SGCZ: variants seen among roughly 807,000 people sequenced by gnomAD.
SGCZ encodes zeta-sarcoglycan.
A neutral mutation model predicts 41.3 loss-of-function variants in SGCZ; 40 were observed. That is an observed-to-expected ratio of 0.97 (90% CI 0.75 to 1.26). SGCZ has a LOEUF of 1.26. Among genes scored for constraint, SGCZ ranks in the 50% most tolerant of loss-of-function variants. The pLI, the probability that SGCZ is intolerant of heterozygous loss-of-function variation, is 0.00. For missense variants in SGCZ, 552 were observed against 369.8 expected, an observed-to-expected ratio of 1.49 and a Z score of -4.04; for synonymous variants, 206 against 137.5, an observed-to-expected ratio of 1.50 and a Z score of -3.49.
At chr8:15,033,715 A>G (rs7009631) in intron 1 of SGCZ, among the ~76,000 whole-genome samples, 151,493 of 152,214 alleles carry the variant, frequency 1, 75,393 homozygotes, top group Middle Eastern at 1. Context: ...TGCAGACTCC[A>G]ACTTAAGGCC....
At chr8:14,471,873 A>G (rs1054506272) in intron 2 of SGCZ, among the ~76,000 whole-genome samples, 1 of 152,082 alleles carries the variant, frequency 6.6e-6, no homozygotes, top group African/African-American at 2.4e-5. Context: ...AAGGGTTCCA[A>G]TGAATATCGT....
At chr8:15,168,254 C>A (rs1799722607) in intron 1 of SGCZ, among the ~76,000 whole-genome samples, 1 of 152,178 alleles carries the variant, frequency 6.6e-6, no homozygotes, top group South Asian at 2.1e-4. Context: ...CAGATGACAA[C>A]AGAGCTTAAA....
At chr8:14,877,123 A>G (rs986998596) in intron 1 of SGCZ, among the ~76,000 whole-genome samples, 1 of 152,022 alleles carries the variant, frequency 6.6e-6, no homozygotes, top group Non-Finnish European at 1.5e-5. Flanking sequence ...ACAGGTGCGC[A>G]CTACCATGCC....
At chr8:15,208,495 C>G (rs1412368549) in intron 1 of SGCZ, among the ~76,000 whole-genome samples, 1 of 151,936 alleles carries the variant, frequency 6.6e-6, no homozygotes, top group African/African-American at 2.4e-5. Flanking sequence ...CTTTTTTTCC[C>G]CAAACACAGT....
intron 4 of SGCZ, among the ~76,000 whole-genome samples, chr8:14,210,606 G>A (rs1286816737): frequency 6.6e-6 from 1 of 151,726 alleles, no homozygotes; most frequent in Non-Finnish European, 1.5e-5. Context: ...GGGATGACAG[G>A]CATGCGTCAC....
At chr8:14,409,259 C>T (rs1297242418) in intron 2 of SGCZ, among the ~76,000 whole-genome samples, 1 of 152,036 alleles carries the variant, frequency 6.6e-6, no homozygotes, top group Non-Finnish European at 1.5e-5. Flanking sequence ...TAGACAGTGA[C>T]TCTCAAATTA....
At chr8:15,059,794 C>G (rs957128005) in intron 1 of SGCZ, among the ~76,000 whole-genome samples, 2 of 152,156 alleles carry the variant, frequency 1.3e-5, no homozygotes, top group Non-Finnish European at 1.5e-5. Context: ...TTTCCTTTCC[C>G]TCATATAGCC....
intron 2 of SGCZ, among the ~76,000 whole-genome samples, chr8:14,336,469 T>C (rs1223378073): frequency 1.3e-5 from 2 of 152,194 alleles, no homozygotes; most frequent in Non-Finnish European, 2.9e-5. Context: ...ATGGGATTTC[T>C]AGATCTAATG....
In SGCZ at chr8:14,717,996, G is replaced by GAT. The variant is rs140343071; in HGVS notation, c.40-163072_40-163071dup. Among the ~76,000 whole-genome samples, 641 of 144,978 alleles carry GAT rather than the reference G, an allele frequency of 4.4e-3. 6 individuals carry two copies. The highest frequency in any genetic ancestry group is 0.014 in the Middle Eastern group (4 of 290). On this transcript the variant is annotated intron_variant, in intron 1 of 7. Transcript: ENST00000382080. Reference sequence around the variant, plus strand: ...TGGATAAATGTAAATTCTAAAATAAGATATATATATATATGTAATATGGCT... The same window carrying GAT: ...TGGATAAATGTAAATTCTAAAATAAGATATATATATATATATGTAATATGGCT...
At chr8:14,459,883 A>G (rs949316463) in intron 2 of SGCZ, among the ~76,000 whole-genome samples, 1 of 152,188 alleles carries the variant, frequency 6.6e-6, no homozygotes, top group African/African-American at 2.4e-5. Context: ...CAAAATAACT[A>G]AACAGTATTC....
chr8:14,457,462 A>G lies in SGCZ; in HGVS notation c.234+97270T>C, dbSNP rs530525120. ...GGTCTCCCTTTCCCTGGGGGAGTTT[A>G]GAGAAGACTCTGCTCCTCCAACTCT... On this transcript the variant is annotated intron_variant, in intron 2 of 7. Coordinates refer to ENST00000382080, the MANE Select transcript of SGCZ (RefSeq NM_139167.4). Among the ~76,000 whole-genome samples, 5 of 152,326 alleles carry G rather than the reference A, an allele frequency of 3.3e-5. No homozygotes were observed. In the East Asian group the frequency reaches 9.7e-4, roughly 29 times the overall value.
chr8:15,037,274 A>C (rs1803908445), intron 1 of SGCZ, among the ~76,000 whole-genome samples: 1 of 152,144 alleles, frequency 6.6e-6, no homozygotes, highest in African/African-American at 2.4e-5. Context: ...GTTCTCACAA[A>C]ATCTAATGAT....
intron 1 of SGCZ, among the ~76,000 whole-genome samples, chr8:14,596,817 T>C (rs1235545664): frequency 2.6e-5 from 4 of 152,132 alleles, no homozygotes; most frequent in African/African-American, 7.2e-5. Flanking sequence ...TGCACATGTA[T>C]CCTGGAAATT....
At chr8:14,279,649 CTTCT>C (rs1800353014) in intron 3 of SGCZ, among the ~76,000 whole-genome samples, 1 of 152,008 alleles carries the variant, frequency 6.6e-6, no homozygotes, top group Admixed American at 6.6e-5. Flanking sequence ...ATGGATATAG[CTTCT>C]TTGACTGCAC....
At chr8:15,110,454 A>T (rs1351904812) in intron 1 of SGCZ, among the ~76,000 whole-genome samples, 1 of 152,202 alleles carries the variant, frequency 6.6e-6, no homozygotes, top group Non-Finnish European at 1.5e-5. Flanking sequence ...CTTAAATTAC[A>T]TGGTTTCTAG....
chr8:14,209,341 C>G (rs1283078115), intron 4 of SGCZ, among the ~76,000 whole-genome samples: 3 of 151,980 alleles, frequency 2.0e-5, no homozygotes, highest in Non-Finnish European at 4.4e-5. Context: ...GTTCTGCTTT[C>G]TCTTTCTTTC....
intron 1 of SGCZ, among the ~76,000 whole-genome samples, chr8:14,875,719 T>A (rs1384021217): frequency 1.3e-5 from 2 of 152,054 alleles, no homozygotes; most frequent in African/African-American, 2.4e-5. Context: ...GTGAATGAGC[T>A]GTGATACGGG....
chr8:14,130,099 C>A (rs566024593), intron 5 of SGCZ, among the ~76,000 whole-genome samples: 1 of 152,180 alleles, frequency 6.6e-6, no homozygotes, highest in African/African-American at 2.4e-5. Context: ...CTACAGCAAT[C>A]AAATCAGTGT....
chr8:15,210,365 C>G (rs1386579375), intron 1 of SGCZ, among the ~76,000 whole-genome samples: 1 of 152,104 alleles, frequency 6.6e-6, no homozygotes, highest in African/African-American at 2.4e-5. Context: ...AATACATTAT[C>G]CCATAAGCAC....
Sources: gnomAD v4.1 joint callset for allele counts (sites outside exome capture counted in the v4.1 genomes callset) on GRCh38, gnomAD v4.1.1 for gene constraint, MANE v1.5 for transcripts, NCBI Gene and HGNC (gene_info 2026-07-23, HGNC 2026-07-21) for gene names.